MYLK3: variants seen among roughly 807,000 people sequenced by gnomAD.
The protein encoded by MYLK3 is myosin light chain kinase 3.
Under a neutral mutation model 76.3 loss-of-function variants are expected in MYLK3, and 55 were observed. That is an observed-to-expected ratio of 0.72 (90% CI 0.58 to 0.90). The LOEUF (loss-of-function observed/expected upper bound fraction) is 0.90. Among genes scored for constraint, MYLK3 ranks in the 40% least tolerant of loss-of-function variants. The probability of loss-of-function intolerance (pLI) is 0.00; values close to 1 mark genes in which losing one functional copy is unlikely to be tolerated. For missense variants in MYLK3, 973 were observed against 1,053.6 expected (o/e 0.92, Z 1.06); for synonymous variants, 416 against 425.4 (o/e 0.98, Z 0.27).
upstream of MYLK3, among the ~76,000 whole-genome samples, chr16:46,752,332 T>C (rs748276364): frequency 3.9e-5 from 6 of 152,066 alleles, no homozygotes; most frequent in Admixed American, 1.3e-4. Flanking sequence ...ACTCCTAGGC[T>C]CAAGCGATCC....
At chr16:46,720,816 A>G (rs1165591630) in intron 9 of MYLK3, among the ~76,000 whole-genome samples, 1 of 152,178 alleles carries the variant, frequency 6.6e-6, no homozygotes, top group Non-Finnish European at 1.5e-5. Context: ...AACCCATAGA[A>G]CTAAGCAGCC....
chr16:46,740,205 C>T (rs1596768442), intron 1 of MYLK3, 58 bp from the exon 2 acceptor site: 4 of 1,434,394 alleles, frequency 2.8e-6, no homozygotes, highest in Non-Finnish European at 3.9e-6. Context: ...ATTCAGGCCA[C>T]AGACATTTGT....
rs1175542953 is a variant in MYLK3, at chr16:46,705,192, T to C, written c.*2512A>G. 6.6e-6 allele frequency: 1 copy of C among 152,234 alleles called. No homozygotes were observed. Among genetic ancestry groups the C allele is most frequent in the Non-Finnish European group, 1.5e-5 (1 of 68,038 alleles). The allele number at this position is 152,234 out of a possible 1,614,324, so 9.4% of individuals were successfully genotyped here. A position where few individuals can be genotyped will look rare whatever the true frequency, so the allele number is the denominator to read the frequency against. On this transcript the variant is annotated 3_prime_UTR_variant, in exon 13 of 13. Coordinates refer to ENST00000394809, the MANE Select transcript of MYLK3 (RefSeq NM_182493.3). ...AAAATCCTGAAAGGTAGTGAAACTG[T>C]TGCATGTCTAATTAAAATCTAAAAT...
At chr16:46,757,259 T>C (rs1967212701) in intron 1 of MYLK3, among the ~76,000 whole-genome samples, 1 of 152,182 alleles carries the variant, frequency 6.6e-6, no homozygotes, top group South Asian at 2.1e-4. Flanking sequence ...AAGCTGACCA[T>C]CCCCAAACTG....
Position 46,747,100 on chromosome 16 carries a change from C to T in MYLK3, c.477+617G>A, listed in dbSNP as rs182992793. 6.7e-4 allele frequency among the ~76,000 whole-genome samples: 102 copies of T among 152,324 alleles called. 3 individuals are homozygous for T. The highest frequency in any genetic ancestry group is 5.6e-3 in the Admixed American group (85 of 15,302). The stretch of plus-strand genomic sequence containing the variant: ...CCTCTACAGACCTCACCCCCCATAT[C>T]CTTCTCCCAGCAGCCAAGCTTCCAT... On this transcript the variant is annotated intron_variant, in intron 1 of 12. Transcript: ENST00000394809.
chr16:46,747,354 C>T (rs1270939253), intron 1 of MYLK3, among the ~76,000 whole-genome samples: 1 of 152,206 alleles, frequency 6.6e-6, no homozygotes. Flanking sequence ...ACTGGCCACT[C>T]CTGCCTGTCC....
chr16:46,741,588 C>T (rs191463020), intron 1 of MYLK3, among the ~76,000 whole-genome samples: 2 of 152,278 alleles, frequency 1.3e-5, no homozygotes, highest in Non-Finnish European at 2.9e-5. Flanking sequence ...TTGCTGGGCC[C>T]CCAGGCATAA....
chr16:46,761,838 A>G (rs1190635976), intron 1 of MYLK3, among the ~76,000 whole-genome samples: 3 of 152,028 alleles, frequency 2.0e-5, no homozygotes, highest in Non-Finnish European at 2.9e-5. Flanking sequence ...AAAACAAAAA[A>G]CAAATTCCAC....
chr16:46,712,296 C>G (rs781476476), intron 10 of MYLK3, among the ~76,000 whole-genome samples: 3 of 151,886 alleles, frequency 2.0e-5, no homozygotes, highest in Non-Finnish European at 4.4e-5. Context: ...CCAGCTCAAC[C>G]CATAACTTTG....
chr16:46,735,449 G>A (rs558134908), intron 3 of MYLK3, among the ~76,000 whole-genome samples: 20 of 152,070 alleles, frequency 1.3e-4, no homozygotes, highest in South Asian at 2.1e-4. Context: ...CAGCTGATCC[G>A]CCCGCCTCGG....
upstream of MYLK3, among the ~76,000 whole-genome samples, chr16:46,752,384 GC>G (rs1374507837): frequency 6.6e-6 from 1 of 152,060 alleles, no homozygotes. Context: ...ACAGGTGCAT[GC>G]CCCCACACCC....
chr16:46,746,614 G>T (rs982277221), intron 1 of MYLK3, among the ~76,000 whole-genome samples: 1 of 152,144 alleles, frequency 6.6e-6, no homozygotes, highest in East Asian at 1.9e-4. Flanking sequence ...TTGTAGAGAC[G>T]GGGTCTTCCT....
chr16:46,739,265 G>T (rs1164999558), intron 2 of MYLK3, among the ~76,000 whole-genome samples: 1 of 152,182 alleles, frequency 6.6e-6, no homozygotes, highest in African/African-American at 2.4e-5. Flanking sequence ...AGGATTACAG[G>T]AATGGACCAT....
In MYLK3 at chr16:46,745,923, G is replaced by A. The variant is rs113779216; in HGVS notation, c.477+1794C>T. Reference sequence around the variant, plus strand: ...ATCCACGCTTGCCTAGGGGGCCAGGGTATTGGTGTTCTGGGGCCTGGGGGA... The same window carrying A: ...ATCCACGCTTGCCTAGGGGGCCAGGATATTGGTGTTCTGGGGCCTGGGGGA... On this transcript the variant is annotated intron_variant, in intron 1 of 12. Transcript: ENST00000394809. Among the ~76,000 whole-genome samples the A allele has an allele frequency of 3.5e-3, 527 of 152,234 alleles. 5 individuals are homozygous for A. The highest frequency in any genetic ancestry group is 0.017 in the Middle Eastern group (5 of 294).
intron 1 of MYLK3, among the ~76,000 whole-genome samples, chr16:46,757,861 CA>C (rs1967220575): frequency 6.6e-6 from 1 of 152,162 alleles, no homozygotes; most frequent in Non-Finnish European, 1.5e-5. Context: ...GACCTGAGTT[CA>C]AAACCCCACA....
chr16:46,732,464 C>T lies in MYLK3; in HGVS notation c.1206G>A (p.Pro402=), dbSNP rs774278415. The change falls in exon 4 of 13, where the codon CCG becomes CCA. Residue 402 remains proline, a synonymous_variant. Coordinates refer to ENST00000394809, the MANE Select transcript of MYLK3 (RefSeq NM_182493.3). ...QTPEGARELS[P]LQESSSPGGV... is the part of the protein sequence containing the mutation. ...CCCCGGGGCTGCTGCTCTCCTGCAG[C>T]GGGGAGAGCTCTCTGGCTCCTTCAG... 52 of 1,611,288 alleles carry T rather than the reference C, an allele frequency of 3.2e-5. No individual in the cohort carries two copies. In the East Asian group the frequency reaches 7.1e-4, roughly 22 times the overall value.
intron 7 of MYLK3, among the ~76,000 whole-genome samples, 178 bp downstream of exon 7, chr16:46,728,846 G>A (rs1416183614): frequency 1.3e-5 from 2 of 152,220 alleles, no homozygotes; most frequent in African/African-American, 4.8e-5. Flanking sequence ...AAGTTGCTTT[G>A]TCCTCCACAT....
At chr16:46,713,992 CT>C (rs1386490691) in intron 9 of MYLK3, among the ~76,000 whole-genome samples, 1 of 152,112 alleles carries the variant, frequency 6.6e-6, no homozygotes, top group African/African-American at 2.4e-5. Flanking sequence ...TAGGTGGTAA[CT>C]TTTATGTTAT....
Position 46,712,683 on chromosome 16 carries a change from TG to T in MYLK3, c.2078del (p.Thr693LysfsTer21). On this transcript the variant is annotated frameshift_variant, in exon 10 of 13. Transcript: ENST00000394809. LOFTEE classifies it high-confidence loss of function. ...VVNYEFVSFP[T>X]DMWSVGVITY... is the part of the protein sequence containing the mutation. The stretch of plus-strand genomic sequence containing the variant: ...TGATGACTCCCACACTCCACATGTC[TG>T]TGGGGAATGAGACAAACTCATAATT... The T allele has an allele frequency of 6.3e-7, 1 of 1,591,438 alleles. No homozygotes were observed. The highest frequency in any genetic ancestry group is 1.4e-5 in the African/African-American group (1 of 73,650).
Sources: gnomAD v4.1 joint callset for allele counts (sites outside exome capture counted in the v4.1 genomes callset) on GRCh38, gnomAD v4.1.1 for gene constraint, MANE v1.5 for transcripts, NCBI Gene and HGNC (gene_info 2026-07-23, HGNC 2026-07-21) for gene names.